The following METTL25 variants were observed in gnomAD, a reference collection of about 807,000 sequenced individuals.
The protein encoded by METTL25 is probable methyltransferase-like protein 25.
METTL25 carries 64 observed loss-of-function variants against 71.6 expected under a neutral mutation model. The ratio of observed to expected loss-of-function variants is 0.89; its 90% CI spans 0.73 to 1.10. The LOEUF (loss-of-function observed/expected upper bound fraction) is 1.10. Among genes scored for constraint, METTL25 ranks in the 50% least tolerant of loss-of-function variants. METTL25 has a pLI of 0.00. For missense variants in METTL25, 807 were observed against 707.0 expected (o/e 1.14, Z -1.60); for synonymous variants, 287 against 250.3 (o/e 1.15, Z -1.38).
intron 5 of METTL25, among the ~76,000 whole-genome samples, chr12:82,430,476 T>C (rs1428896567): frequency 1.3e-5 from 2 of 151,714 alleles, no homozygotes; most frequent in African/African-American, 4.8e-5. Flanking sequence ...TTGTTAGGAA[T>C]GAATTTATAT....
intron 5 of METTL25, among the ~76,000 whole-genome samples, chr12:82,429,784 T>C (rs1355337672): frequency 6.6e-6 from 1 of 151,652 alleles, no homozygotes; most frequent in East Asian, 1.9e-4. Context: ...AATTAGTTGT[T>C]TTGCTGTTGA....
In METTL25 at chr12:82,399,315, G is replaced by C. The variant is rs984351885; in HGVS notation, c.1052G>C (p.Ser351Thr). The change falls in exon 4 of 12, where the codon AGT becomes ACT. Residue 351 changes from serine (S) to threonine (T), a missense_variant. By Grantham distance (58) the Ser-to-Thr change is moderately conservative. Transcript: ENST00000248306. ...AGAAGAAAAATGACATCAAAGTCAAGTGAATCAAATATATATTCACCTTTA... is the reference window on the plus strand; with the variant it reads ...AGAAGAAAAATGACATCAAAGTCAACTGAATCAAATATATATTCACCTTTA... ...KERRKMTSKS[S>T]ESNIYSPLTS... 1.2e-6 allele frequency: 2 copies of C among 1,612,518 alleles called. No homozygotes were observed. The highest frequency in any genetic ancestry group is 1.7e-5 in the Admixed American group (1 of 59,882).
chr12:82,457,331 G>GAAA (rs11412218), intron 9 of METTL25, among the ~76,000 whole-genome samples: 2 of 150,122 alleles, frequency 1.3e-5, no homozygotes, highest in African/African-American at 2.4e-5. Flanking sequence ...ACCACTGAGG[G>GAAA]AAAAAAAAAC....
chr12:82,364,040 C>T (rs1279834361), intron 1 of METTL25, among the ~76,000 whole-genome samples: 3 of 152,108 alleles, frequency 2.0e-5, no homozygotes, highest in Non-Finnish European at 2.9e-5. Flanking sequence ...ACACACTTAC[C>T]GACACACAAT....
At chr12:82,434,749 A>C in intron 7 of METTL25, 25 bp downstream of exon 7, 1 of 1,604,206 alleles carries the variant, frequency 6.2e-7, no homozygotes. Flanking sequence ...TAACTGATGA[A>C]CACGACAGTT....
At chr12:82,362,160 C>T (rs1011162663) in intron 1 of METTL25, among the ~76,000 whole-genome samples, 1 of 152,192 alleles carries the variant, frequency 6.6e-6, no homozygotes, top group Non-Finnish European at 1.5e-5. Flanking sequence ...ATCTTCTTGT[C>T]TCATTAGAGT....
chr12:82,407,400 T>C (rs1211547481), intron 5 of METTL25, among the ~76,000 whole-genome samples: 1 of 152,016 alleles, frequency 6.6e-6, no homozygotes, highest in African/African-American at 2.4e-5. Context: ...GTTGGAAAGG[T>C]TTGTGAGAAC....
At chr12:82,387,689 TGTA>T (rs1307401801) in intron 2 of METTL25, among the ~76,000 whole-genome samples, 3 of 141,466 alleles carry the variant, frequency 2.1e-5, no homozygotes, top group African/African-American at 7.9e-5. Flanking sequence ...CCACATTTGT[TGTA>T]GTTCTCTTCT....
intron 4 of METTL25, 87 bp from the exon 5 acceptor site, chr12:82,402,896 C>G (rs748960460): frequency 3.0e-6 from 3 of 995,770 alleles, no homozygotes; most frequent in Non-Finnish European, 4.4e-6. Context: ...GGCAACATTG[C>G]AAGATCCTGT....
chr12:82,472,475 G>C (rs980663056), intron 9 of METTL25, among the ~76,000 whole-genome samples: 4 of 152,116 alleles, frequency 2.6e-5, no homozygotes, highest in African/African-American at 9.7e-5. Flanking sequence ...GCGGGTGCCT[G>C]TAGTCCCAGC....
chr12:82,378,599 G>A (rs1320950679), intron 1 of METTL25, among the ~76,000 whole-genome samples: 1 of 152,046 alleles, frequency 6.6e-6, no homozygotes, highest in African/African-American at 2.4e-5. Context: ...ATGCACAACG[G>A]GAAAGAAAAA....
rs145029338 is a variant in METTL25 at position 82,477,940 on chromosome 12, G to T, written c.1719+588G>T. Among the ~76,000 whole-genome samples the T allele has an allele frequency of 3.3e-3, 504 of 151,864 alleles. 3 individuals carry two copies. Among genetic ancestry groups the T allele is most frequent in the African/African-American group, 0.012 (482 of 41,530 alleles). On this transcript the variant is annotated intron_variant, in intron 11 of 11. Transcript: ENST00000248306. Reference sequence around the variant, plus strand: ...AATTAAACCCATTCATGGACTCACCGAATGTTTCCGCTATAAACTCTTTAA... The same window carrying T: ...AATTAAACCCATTCATGGACTCACCTAATGTTTCCGCTATAAACTCTTTAA...
chr12:82,443,048 A>G (rs1326098735), intron 8 of METTL25, among the ~76,000 whole-genome samples: 1 of 151,868 alleles, frequency 6.6e-6, no homozygotes, highest in African/African-American at 2.4e-5. Context: ...AAAGACTAAG[A>G]GCTATGTGGA....
At chr12:82,467,495 G>A (rs1892307220) in intron 9 of METTL25, among the ~76,000 whole-genome samples, 1 of 152,048 alleles carries the variant, frequency 6.6e-6, no homozygotes, top group Non-Finnish European at 1.5e-5. Context: ...ACTTATCTGT[G>A]ATCTGTGAAA....
intron 5 of METTL25, among the ~76,000 whole-genome samples, chr12:82,424,408 G>T (rs1888815453): frequency 6.6e-6 from 1 of 151,996 alleles, no homozygotes; most frequent in Non-Finnish European, 1.5e-5. Context: ...AGGGGGGAGG[G>T]ATAGCATTAG....
chr12:82,446,283 CAA>C (rs1307036784), intron 8 of METTL25, among the ~76,000 whole-genome samples: 1 of 152,096 alleles, frequency 6.6e-6, no homozygotes. Context: ...AGAAATATAA[CAA>C]AGAAACTTTG....
intron 5 of METTL25, among the ~76,000 whole-genome samples, chr12:82,418,107 T>C (rs1888146907): frequency 6.6e-6 from 1 of 152,116 alleles, no homozygotes; most frequent in Admixed American, 6.6e-5. Flanking sequence ...CAAGAGATAG[T>C]TAAATTCTGA....
chr12:82,439,334 A>AT (rs1485910092), intron 8 of METTL25, among the ~76,000 whole-genome samples: 2 of 151,640 alleles, frequency 1.3e-5, no homozygotes, highest in African/African-American at 4.8e-5. Context: ...GGGTAGGATA[A>AT]TTTTTTTCAT....
rs1888118270 is a variant in METTL25 at position 82,417,806 on chromosome 12, C to G, written c.1280-13087C>G. 4.6e-5 allele frequency among the ~76,000 whole-genome samples: 7 copies of G among 151,996 alleles called. 1 individual carries two copies. Among genetic ancestry groups the G allele is most frequent in the Admixed American group, 4.6e-4 (7 of 15,232 alleles). ...AAAGCAATGTGAGTTTGGAGGCATG[C>G]TGTTTTATATAGGGTAGCCAGGAGA... On this transcript the variant is annotated intron_variant, in intron 5 of 11. Coordinates refer to ENST00000248306, the MANE Select transcript of METTL25 (RefSeq NM_032230.3).
Sources: gnomAD v4.1 joint callset for allele counts (sites outside exome capture counted in the v4.1 genomes callset) on GRCh38, gnomAD v4.1.1 for gene constraint, MANE v1.5 for transcripts, NCBI Gene and HGNC (gene_info 2026-07-23, HGNC 2026-07-21) for gene names.